GNG7: variants seen among roughly 807,000 people sequenced by gnomAD.
The protein encoded by GNG7 is G protein subunit gamma 7.
Under a neutral mutation model 4.0 loss-of-function variants are expected in GNG7, and 1 was observed. That is an observed-to-expected ratio of 0.25 (90% CI 0.09 to 1.18). The LOEUF (loss-of-function observed/expected upper bound fraction) is 1.18. Among genes scored for constraint, GNG7 ranks in the 50% most tolerant of loss-of-function variants. The pLI is 0.50. For synonymous variants in GNG7, 34 were observed against 36.9 expected, an observed-to-expected ratio of 0.92 and a Z score of 0.29; for missense variants, 86 against 91.9, an observed-to-expected ratio of 0.94 and a Z score of 0.26.
chr19:2,599,255 TG>T (rs1365295561), intron 2 of GNG7, among the ~76,000 whole-genome samples: 1 of 151,982 alleles, frequency 6.6e-6, no homozygotes, highest in African/African-American at 2.4e-5. Context: ...CTCGCTGACT[TG>T]GTAGATGTCT....
At chr19:2,600,781 C>A (rs563916342) in intron 2 of GNG7, among the ~76,000 whole-genome samples, 1 of 152,074 alleles carries the variant, frequency 6.6e-6, no homozygotes, top group East Asian at 1.9e-4. Flanking sequence ...TGGCTTCTAT[C>A]TTAGCAGTTT....
chr19:2,587,862 A>AGAAG (rs71178293), intron 2 of GNG7, among the ~76,000 whole-genome samples: 16,221 of 144,838 alleles, frequency 0.11, 1,122 homozygotes, highest in South Asian at 0.23. Context: ...AGAGAAAGAG[A>AGAAG]GAAGGAAGGA....
At chr19:2,608,796 T>C (rs960293478) in intron 2 of GNG7, among the ~76,000 whole-genome samples, 5 of 152,216 alleles carry the variant, frequency 3.3e-5, no homozygotes, top group African/African-American at 1.2e-4. Context: ...TAACCCTGTC[T>C]GCTGGCACTG....
chr19:2,621,827 G>A (rs1238701675), intron 2 of GNG7, among the ~76,000 whole-genome samples: 3 of 152,150 alleles, frequency 2.0e-5, no homozygotes, highest in African/African-American at 7.2e-5. Flanking sequence ...AGAAGCCAGA[G>A]GACGCGGAAG....
rs1981790489 is a variant in GNG7, at chr19:2,618,772, C to A, written c.-78+27452G>T. Among the ~76,000 whole-genome samples, 1 of 152,132 alleles carries A rather than the reference C, an allele frequency of 6.6e-6. No homozygotes were observed. Among genetic ancestry groups the A allele is most frequent in the Non-Finnish European group, 1.5e-5 (1 of 68,022 alleles). On this transcript the variant is annotated intron_variant, in intron 2 of 4. Transcript: ENST00000382159. The surrounding 1 kb of genome is among the most constrained non-coding windows in gnomAD (Gnocchi z 5.1). ...CCTCTTCAGGGGCCACCCTGTGTAACCACAGGGCATTGCTCACAGCTGGGG... is the reference window on the plus strand; with the variant it reads ...CCTCTTCAGGGGCCACCCTGTGTAAACACAGGGCATTGCTCACAGCTGGGG...
At chr19:2,567,465 A>G (rs1979957572) in intron 2 of GNG7, among the ~76,000 whole-genome samples, 1 of 151,890 alleles carries the variant, frequency 6.6e-6, no homozygotes, top group Admixed American at 6.6e-5. Context: ...AGCTGGGACT[A>G]CAGGTGCACA....
chr19:2,558,860 G>T (rs562614543), intron 2 of GNG7, among the ~76,000 whole-genome samples: 4 of 150,936 alleles, frequency 2.7e-5, no homozygotes, highest in Non-Finnish European at 5.9e-5. Context: ...GTGCAATGGC[G>T]CGATCTCTGC....
intron 1 of GNG7, among the ~76,000 whole-genome samples, chr19:2,690,358 G>T (rs1044541228): frequency 1.3e-5 from 2 of 152,060 alleles, no homozygotes; most frequent in African/African-American, 2.4e-5. Flanking sequence ...TCCAACCTAG[G>T]TGACAGAACG....
chr19:2,586,374 A>G (rs1314280409), intron 2 of GNG7, among the ~76,000 whole-genome samples: 2 of 152,132 alleles, frequency 1.3e-5, no homozygotes, highest in Non-Finnish European at 2.9e-5. Flanking sequence ...TGAGTTTCCC[A>G]TTCCGCTCAG....
chr19:2,628,577 G>A (rs1057144889), intron 2 of GNG7, among the ~76,000 whole-genome samples: 11 of 149,608 alleles, frequency 7.4e-5, no homozygotes, highest in South Asian at 2.1e-4. Flanking sequence ...TTATGTGTAC[G>A]GTTCAGTGAT....
At chr19:2,580,609 T>A (rs1391882314) in intron 2 of GNG7, among the ~76,000 whole-genome samples, 1 of 151,678 alleles carries the variant, frequency 6.6e-6, no homozygotes, top group African/African-American at 2.4e-5. Context: ...GGTTCTGTTT[T>A]ATTTTATTTT....
chr19:2,567,876 T>C (rs1363398731), intron 2 of GNG7, among the ~76,000 whole-genome samples: 1 of 152,144 alleles, frequency 6.6e-6, no homozygotes, highest in Non-Finnish European at 1.5e-5. Context: ...CACCCATCTG[T>C]TCCCGGGCAC....
intron 3 of GNG7, among the ~76,000 whole-genome samples, chr19:2,554,557 A>ATTTTT (rs1462834239): frequency 1.4e-5 from 1 of 71,684 alleles, no homozygotes; most frequent in African/African-American, 5.6e-5. Context: ...ATATATATAT[A>ATTTTT]TATTTTTTTT....
chr19:2,574,097 G>A (rs1980234620), intron 2 of GNG7, among the ~76,000 whole-genome samples: 2 of 152,072 alleles, frequency 1.3e-5, no homozygotes, highest in Admixed American at 1.3e-4. Flanking sequence ...GTCACACCTG[G>A]GCTGGTGCAG....
In GNG7 at chr19:2,687,698, G is replaced by A. The variant is rs59899917; in HGVS notation, c.-135+14948C>T. On this transcript the variant is annotated intron_variant, in intron 1 of 4. Coordinates refer to ENST00000382159, the MANE Select transcript of GNG7 (RefSeq NM_052847.3). Reference sequence around the variant, plus strand: ...GCCAAGAAGTTTAAATCATGATGCCGGGCGCGGTGGCTCACGCCTGTAATT... The same window carrying A: ...GCCAAGAAGTTTAAATCATGATGCCAGGCGCGGTGGCTCACGCCTGTAATT... Among the ~76,000 whole-genome samples the A allele has an allele frequency of 1.3e-3, 195 of 152,018 alleles. 5 individuals carry two copies. In the East Asian group the frequency reaches 0.034, roughly 26 times the overall value.
At chr19:2,556,993 C>A (rs1297223384) in intron 2 of GNG7, among the ~76,000 whole-genome samples, 1 of 151,652 alleles carries the variant, frequency 6.6e-6, no homozygotes, top group Non-Finnish European at 1.5e-5. Flanking sequence ...TCCAGGGGGG[C>A]TGCCTCCCCT....
At chr19:2,568,656 T>TATACAC (rs201543832) in intron 2 of GNG7, among the ~76,000 whole-genome samples, 3 of 148,922 alleles carry the variant, frequency 2.0e-5, no homozygotes, top group Non-Finnish European at 4.5e-5. Flanking sequence ...CAAATACACA[T>TATACAC]ATACACATAC....
chr19:2,520,641 C>A lies in GNG7; in HGVS notation c.48G>T (p.Gln16His), dbSNP rs1468537294. ...NIAQARKLVE[Q>H]LRIEAGIERI... is the part of the protein sequence containing the mutation. ...GCTCAATCCCGGCTTCTATGCGTAGCTGTTCCACCAGCTTCCGGGCCTGGG... is the reference window on the plus strand; with the variant it reads ...GCTCAATCCCGGCTTCTATGCGTAGATGTTCCACCAGCTTCCGGGCCTGGG... Residue 16 changes from glutamine to histidine, a missense_variant, in exon 4 of 5, where the codon CAG becomes CAT. Physicochemically the swap from Gln to His is conservative, Grantham distance 24 (BLOSUM62 0). Transcript: ENST00000382159. The A allele has an allele frequency of 6.4e-7, 1 of 1,552,992 alleles. No homozygotes were observed. The highest frequency in any genetic ancestry group is 1.9e-5 in the Admixed American group (1 of 51,422).
intron 2 of GNG7, among the ~76,000 whole-genome samples, chr19:2,575,802 G>A (rs1980309083): frequency 9.1e-6 from 1 of 110,234 alleles, no homozygotes; most frequent in South Asian, 2.8e-4. Context: ...GGCACACACA[G>A]ACATGCAGAC....
Sources: gnomAD v4.1 joint callset for allele counts (sites outside exome capture counted in the v4.1 genomes callset) on GRCh38, gnomAD v4.1.1 for gene constraint, Gnocchi (gnomAD v3.1) non-coding constraint, MANE v1.5 for transcripts, NCBI Gene and HGNC (gene_info 2026-07-23, HGNC 2026-07-21) for gene names.